The following CHN2 variants were observed in gnomAD, a reference collection of about 807,000 sequenced individuals.
The protein encoded by CHN2 is beta-chimaerin.
Under a neutral mutation model 56.3 loss-of-function variants are expected in CHN2, and 35 were observed. The observed-to-expected ratio is 0.62, with a 90% CI of 0.47 to 0.82. The LOEUF (loss-of-function observed/expected upper bound fraction) is 0.82, where lower values mean the gene tolerates loss of function less well. CHN2 is among the 40% of genes least tolerant of loss of function. The probability of loss-of-function intolerance (pLI) is 0.00; values close to 1 mark genes in which losing one functional copy is unlikely to be tolerated. For missense variants in CHN2, 491 were observed against 580.5 expected (o/e 0.85, Z 1.58); for synonymous variants, 210 against 212.8 (o/e 0.99, Z 0.12).
intron 3 of CHN2, among the ~76,000 whole-genome samples, chr7:29,380,317 A>G (rs1800396555): frequency 6.6e-6 from 1 of 152,196 alleles, no homozygotes; most frequent in Non-Finnish European, 1.5e-5. Context: ...TTATATGTAT[A>G]AAGCACAAAT....
chr7:29,308,157 C>T (rs1251610662), intron 1 of CHN2, among the ~76,000 whole-genome samples: 1 of 152,104 alleles, frequency 6.6e-6, no homozygotes, highest in Admixed American at 6.5e-5. Flanking sequence ...TGCTTTTTCT[C>T]TCCTTCCTGT....
intron 2 of CHN2, among the ~76,000 whole-genome samples, chr7:29,161,420 A>T (rs1795162421): frequency 2.0e-5 from 3 of 152,128 alleles, no homozygotes; most frequent in Admixed American, 2.0e-4. Context: ...AACTTTCACA[A>T]TCTACACCCA....
At chr7:29,211,138 T>TCGGCTCACTGCAAGCTC (rs1784907100) in intron 1 of CHN2, among the ~76,000 whole-genome samples, 1 of 151,904 alleles carries the variant, frequency 6.6e-6, no homozygotes. Context: ...TGGCGCGATC[T>TCGGCTCACTGCAAGCTC]CGGCTCACTG....
chr7:29,195,063 T>G, intron 1 of CHN2, 73 bp downstream of exon 1: 2 of 1,483,328 alleles, frequency 1.3e-6, no homozygotes, highest in Non-Finnish European at 1.8e-6. Context: ...CAGCCTGGGA[T>G]GGACAGAGCC....
intron 7 of CHN2, among the ~76,000 whole-genome samples, chr7:29,494,069 C>A (rs1161160882): frequency 6.6e-6 from 1 of 152,164 alleles, no homozygotes; most frequent in African/African-American, 2.4e-5. Flanking sequence ...ACACCAAGTT[C>A]TTTTGCTCCC....
At chr7:29,496,135 C>A in intron 8 of CHN2, 99 bp downstream of exon 8, 1 of 959,286 alleles carries the variant, frequency 1.0e-6, no homozygotes, top group Non-Finnish European at 1.5e-6. Context: ...CAGATTAGCT[C>A]AAAAGTCTAG....
intron 1 of CHN2, among the ~76,000 whole-genome samples, chr7:29,229,755 ATTGT>A (rs1485105664): frequency 1.3e-5 from 2 of 152,172 alleles, no homozygotes; most frequent in East Asian, 1.9e-4. Context: ...GGGCGGGAAG[ATTGT>A]TTGAGCCCAG....
intron 1 of CHN2, among the ~76,000 whole-genome samples, chr7:29,206,744 A>G (rs1422323789): frequency 6.6e-6 from 1 of 152,202 alleles, no homozygotes; most frequent in Non-Finnish European, 1.5e-5. Context: ...GTAAAGCTAG[A>G]GTTCAACATG....
intron 6 of CHN2, among the ~76,000 whole-genome samples, chr7:29,428,688 C>T (rs750097092): frequency 3.3e-5 from 5 of 152,128 alleles, no homozygotes; most frequent in African/African-American, 4.8e-5. Context: ...CTACTTTTGT[C>T]ATTTTTTTGT....
chr7:29,314,605 T>C (rs1794825615), intron 1 of CHN2, among the ~76,000 whole-genome samples: 1 of 152,162 alleles, frequency 6.6e-6, no homozygotes, highest in Non-Finnish European at 1.5e-5. Context: ...GAAAGTAACA[T>C]CACCACCAAC....
chr7:29,293,192 A>T (rs1404135713), intron 1 of CHN2, among the ~76,000 whole-genome samples: 11 of 152,040 alleles, frequency 7.2e-5, no homozygotes, highest in Non-Finnish European at 1.6e-4. Context: ...GCTGCTGCCT[A>T]AGGGCCCCAT....
At chr7:29,266,058 G>C (rs1042592884) in intron 1 of CHN2, among the ~76,000 whole-genome samples, 2 of 152,138 alleles carry the variant, frequency 1.3e-5, no homozygotes, top group Non-Finnish European at 2.9e-5. Flanking sequence ...TATTAGTCCT[G>C]CCATTGGCAG....
At chr7:29,452,366 C>T (rs1231943239) in intron 6 of CHN2, among the ~76,000 whole-genome samples, 2 of 152,160 alleles carry the variant, frequency 1.3e-5, no homozygotes, top group Non-Finnish European at 2.9e-5. Flanking sequence ...GAGGCCCTTA[C>T]TCTTGGGGGT....
intron 2 of CHN2, among the ~76,000 whole-genome samples, chr7:29,365,604 G>C (rs1368423249): frequency 2.0e-5 from 3 of 152,212 alleles, no homozygotes; most frequent in Non-Finnish European, 4.4e-5. Context: ...AGGAGAGGAA[G>C]ATGTCATAGA....
chr7:29,268,111 T>G (rs1790289441), intron 1 of CHN2, among the ~76,000 whole-genome samples: 1 of 152,136 alleles, frequency 6.6e-6, no homozygotes, highest in Admixed American at 6.6e-5. Flanking sequence ...TTTATTTGTT[T>G]AGTGAAACTC....
At chr7:29,147,800 A>G (rs918451097) in intron 2 of CHN2, among the ~76,000 whole-genome samples, 4 of 152,224 alleles carry the variant, frequency 2.6e-5, no homozygotes, top group Admixed American at 1.3e-4. Flanking sequence ...ATACCTAAAT[A>G]TTTAAAAGTT....
chr7:29,225,262 CT>C (rs1366693299), intron 1 of CHN2, among the ~76,000 whole-genome samples: 14 of 152,172 alleles, frequency 9.2e-5, no homozygotes, highest in African/African-American at 3.4e-4. Flanking sequence ...AAAGCATGGC[CT>C]AATCATAACA....
chr7:29,338,258 A>G (rs1796773293), intron 1 of CHN2, among the ~76,000 whole-genome samples: 1 of 152,200 alleles, frequency 6.6e-6, no homozygotes, highest in Non-Finnish European at 1.5e-5. Flanking sequence ...ACTTTGGGCA[A>G]GGCACCATCC....
intron 10 of CHN2, among the ~76,000 whole-genome samples, chr7:29,506,714 C>T (rs962057784): frequency 4.6e-5 from 7 of 152,084 alleles, no homozygotes; most frequent in Non-Finnish European, 8.8e-5. Flanking sequence ...AGATTAAAGT[C>T]CTAGGGGATC....
Sources: allele counts gnomAD v4.1 joint callset (sites outside exome capture counted in the v4.1 genomes callset), GRCh38; gene constraint gnomAD v4.1.1; transcripts MANE v1.5; gene names NCBI Gene and HGNC (gene_info 2026-07-23, HGNC 2026-07-21).